The following CPEB1 variants were observed in gnomAD, a reference collection of about 807,000 sequenced individuals.
CPEB1 encodes the protein cytoplasmic polyadenylation element binding protein 1, also known as cytoplasmic polyadenylation element-binding protein 1.
A neutral mutation model predicts 65.8 loss-of-function variants in CPEB1; 7 were observed. The ratio of observed to expected loss-of-function variants is 0.11; its 90% CI spans 0.06 to 0.20. The LOEUF (loss-of-function observed/expected upper bound fraction) is 0.20. CPEB1 is among the 10% of genes least tolerant of loss of function. The pLI, the probability that CPEB1 is intolerant of heterozygous loss-of-function variation, is 1.00. For missense variants in CPEB1, 551 were observed against 712.2 expected (o/e 0.77, Z 2.58); for synonymous variants, 262 against 260.0 (o/e 1.01, Z -0.08).
At chr15:82,601,085 T>C (rs550562252) in intron 3 of CPEB1, among the ~76,000 whole-genome samples, 2 of 151,044 alleles carry the variant, frequency 1.3e-5, no homozygotes, top group South Asian at 2.1e-4. Context: ...TTGTATTTTT[T>C]AGTAGAGACA....
intron 3 of CPEB1, among the ~76,000 whole-genome samples, chr15:82,596,999 T>C (rs1210624680): frequency 6.6e-6 from 1 of 152,046 alleles, no homozygotes; most frequent in Non-Finnish European, 1.5e-5. Context: ...AGGATATCCT[T>C]GGTGTGCCAA....
In CPEB1 at chr15:82,557,983, A is replaced by T; in HGVS notation, c.464T>A (p.Leu155Gln). The change falls in exon 5 of 13, where the codon CTG becomes CAG. Residue 155 changes from leucine (L) to glutamine (Q), a missense_variant. This residue lies in a region of CPEB1 where 223 missense variants were observed against 228.6 expected (regional missense o/e 0.98). Coordinates refer to ENST00000684509, the MANE Select transcript of CPEB1 (RefSeq NM_001365242.1). ...SSAQSSTHSV[L>Q]SMLHNPLGNV... is the part of the protein sequence containing the mutation. ...TCCCAGTGGGTTATGGAGCATGCTC[A>T]GTACTAGGAGGACAAAAAAGGAAAC... 1 of 1,565,066 alleles carries T rather than the reference A, an allele frequency of 6.4e-7. No individual in the cohort carries two copies. Among genetic ancestry groups the T allele is most frequent in the Non-Finnish European group, 8.7e-7 (1 of 1,155,562 alleles).
At chr15:82,575,060 GA>G (rs967723160) in intron 3 of CPEB1, among the ~76,000 whole-genome samples, 89 of 152,228 alleles carry the variant, frequency 5.8e-4, no homozygotes, top group African/African-American at 2.1e-3. Flanking sequence ...ATACTGTAAT[GA>G]AAATAAAAAC....
chr15:82,617,998 G>A (rs957247828), intron 3 of CPEB1, among the ~76,000 whole-genome samples: 1 of 151,640 alleles, frequency 6.6e-6, no homozygotes, highest in African/African-American at 2.4e-5. Context: ...CTCCCAAAGT[G>A]CTGGGATTAC....
intron 4 of CPEB1, among the ~76,000 whole-genome samples, chr15:82,570,229 G>C (rs1052541257): frequency 2.6e-5 from 4 of 152,100 alleles, no homozygotes; most frequent in Non-Finnish European, 5.9e-5. Flanking sequence ...TCTAAAAAAA[G>C]ACCTGCGCCA....
intron 1 of CPEB1, among the ~76,000 whole-genome samples, chr15:82,631,525 G>A (rs2046244612): frequency 6.6e-6 from 1 of 152,066 alleles, no homozygotes. Context: ...AAGGCTTTTT[G>A]TGAATTAATG....
At chr15:82,558,583 A>G (rs910394482) in intron 4 of CPEB1, among the ~76,000 whole-genome samples, 1 of 152,224 alleles carries the variant, frequency 6.6e-6, no homozygotes, top group Non-Finnish European at 1.5e-5. Context: ...GGTTAAGCCC[A>G]TTCTTTGACT....
rs1171141221 is a variant in CPEB1, at chr15:82,627,249, T to C, written c.215A>G (p.Asp72Gly). ...RINAILDNSL[D>G]FSRVCTTPIN... ...AGGTGTAGTGCAGACTCTACTGAAA[T>C]CCAGAGAATTATCCAATATGGCATT... The change falls in exon 3 of 13, where the codon GAT (aspartate) becomes GGT (glycine). Residue 72 changes from aspartate to glycine, a missense_variant. Asp to Gly is a moderately conservative substitution (Grantham distance 94). Around this residue, in one of 6 missense-constraint regions of CPEB1, gnomAD observed 223 missense variants for 228.6 expected, o/e 0.98. Transcript: ENST00000684509. 6.2e-7 allele frequency: 1 copy of C among 1,613,856 alleles called. No individual in the cohort carries two copies. Among genetic ancestry groups the C allele is most frequent in the East Asian group, 2.2e-5 (1 of 44,864 alleles).
At chr15:82,581,869 G>T (rs776036510) in intron 3 of CPEB1, among the ~76,000 whole-genome samples, 2 of 152,158 alleles carry the variant, frequency 1.3e-5, no homozygotes, top group Non-Finnish European at 2.9e-5. Flanking sequence ...GGTCCCATAG[G>T]TAAGTATCTG....
chr15:82,644,525 A>G (rs1351222603), intron 1 of CPEB1, among the ~76,000 whole-genome samples: 1 of 152,168 alleles, frequency 6.6e-6, no homozygotes, highest in Admixed American at 6.5e-5. Context: ...GACATGTTAC[A>G]TTTGGTCTAT....
chr15:82,592,186 G>GAT (rs983459890), intron 3 of CPEB1, among the ~76,000 whole-genome samples: 5 of 151,970 alleles, frequency 3.3e-5, no homozygotes, highest in East Asian at 1.9e-4. Context: ...TTATTGAATG[G>GAT]ATATATATAT....
intron 3 of CPEB1, among the ~76,000 whole-genome samples, chr15:82,580,485 G>A (rs986451113): frequency 6.6e-6 from 1 of 152,104 alleles, no homozygotes; most frequent in Non-Finnish European, 1.5e-5. Context: ...AGTTAAATAT[G>A]CAAGGGGTAC....
At chr15:82,622,217 G>C (rs1038583753) in intron 3 of CPEB1, among the ~76,000 whole-genome samples, 3 of 152,070 alleles carry the variant, frequency 2.0e-5, no homozygotes, top group African/African-American at 2.4e-5. Flanking sequence ...TGTTGGGGTA[G>C]GAAATCCAGC....
chr15:82,645,337 G>A (rs1160804119), intron 1 of CPEB1, among the ~76,000 whole-genome samples: 2 of 152,024 alleles, frequency 1.3e-5, no homozygotes, highest in Non-Finnish European at 2.9e-5. Flanking sequence ...ATTTTTAGGA[G>A]AGACGGGAAT....
intron 3 of CPEB1, among the ~76,000 whole-genome samples, chr15:82,575,001 C>G (rs1031761904): frequency 6.6e-6 from 1 of 152,120 alleles, no homozygotes; most frequent in Non-Finnish European, 1.5e-5. Flanking sequence ...TAATTTAACA[C>G]AAAACTTGTT....
intron 3 of CPEB1, among the ~76,000 whole-genome samples, chr15:82,572,773 C>T (rs755929441): frequency 4.6e-4 from 70 of 152,206 alleles, no homozygotes; most frequent in Non-Finnish European, 8.1e-4. Context: ...GCCACTGATG[C>T]CTCTAACATC....
At chr15:82,592,565 C>CAAAAAA (rs2042342851) in intron 3 of CPEB1, among the ~76,000 whole-genome samples, 1 of 133,948 alleles carries the variant, frequency 7.5e-6, no homozygotes. Flanking sequence ...ATGACAGAGC[C>CAAAAAA]AGATATTGTC....
At chr15:82,626,212 G>C (rs140199352) in intron 3 of CPEB1, among the ~76,000 whole-genome samples, 4 of 151,418 alleles carry the variant, frequency 2.6e-5, no homozygotes, top group Non-Finnish European at 5.9e-5. Flanking sequence ...AAGGCACGCA[G>C]ATCACAAGGT....
chr15:82,602,444 G>A (rs773750806), intron 3 of CPEB1, among the ~76,000 whole-genome samples: 4 of 152,176 alleles, frequency 2.6e-5, no homozygotes, highest in Non-Finnish European at 4.4e-5. Flanking sequence ...AGTGCTTTGG[G>A]AGGCTCAGAT....
Sources: gnomAD v4.1 joint callset for allele counts (sites outside exome capture counted in the v4.1 genomes callset) on GRCh38, gnomAD v4.1.1 for gene constraint, gnomAD v4.1.1 regional missense constraint, MANE v1.5 for transcripts, NCBI Gene and HGNC (gene_info 2026-07-23, HGNC 2026-07-21) for gene names.